UGT2B15: variants seen among roughly 807,000 people sequenced by gnomAD.
UGT2B15 encodes the protein UDP glucuronosyltransferase family 2 member B15, also known as UDP-glucuronosyltransferase 2B15.
Under a neutral mutation model 45.9 loss-of-function variants are expected in UGT2B15, and 36 were observed. That is an observed-to-expected ratio of 0.78 (90% confidence interval 0.60 to 1.04). UGT2B15 has a LOEUF of 1.04. Ranked by LOEUF, UGT2B15 falls within the 50% of genes least tolerant of loss-of-function variation. The pLI is 0.00. For missense variants in UGT2B15, 617 were observed against 622.4 expected, an observed-to-expected ratio of 0.99 and a Z score of 0.09; for synonymous variants, 219 against 216.4, an observed-to-expected ratio of 1.01 and a Z score of -0.11.
In UGT2B15 at chr4:68,647,417, A is replaced by C; in HGVS notation, c.1314-34T>G. ...TAAATATAAAGATATCAACATTAAA[A>C]GTAAATTTATTGCTTAAGCATATCA... On this transcript the variant is annotated intron_variant, in intron 5 of 5. Transcript: ENST00000338206. 1.9e-6 allele frequency: 3 copies of C among 1,583,362 alleles called. 1 individual carries two copies. Among genetic ancestry groups the C allele is most frequent in the Non-Finnish European group, 2.6e-6 (3 of 1,162,510 alleles).
chr4:68,647,177 A>T lies in UGT2B15; in HGVS notation c.1520T>A (p.Phe507Tyr), dbSNP rs139372148. 1.5e-4 allele frequency: 236 copies of T among 1,613,836 alleles called. 1 individual carries two copies. Among genetic ancestry groups the T allele is most frequent in the Non-Finnish European group, 1.9e-4 (225 of 1,179,920 alleles). ...AAACAGGCAAAATTTTGTGATGATA[A>T]ATATCACAGTTGCCACGCAGGCCAG... ...FLLACVATVI[F>Y]IITKFCLFCF... The change falls in exon 6 of 6, where the codon TTT (phenylalanine) becomes TAT (tyrosine). Residue 507 changes from phenylalanine (F) to tyrosine (Y), a missense_variant. Phe to Tyr is a conservative substitution (Grantham distance 22). This residue lies in a region of UGT2B15 where 265 missense variants were observed against 245.1 expected (regional missense o/e 1.08). Transcript: ENST00000338206.
intron 3 of UGT2B15, among the ~76,000 whole-genome samples, chr4:68,660,848 C>A (rs6815824): frequency 6.6e-6 from 1 of 151,542 alleles, no homozygotes; most frequent in African/African-American, 2.4e-5. Flanking sequence ...AACTTAAACT[C>A]CAGAAGAAAA....
intron 3 of UGT2B15, among the ~76,000 whole-genome samples, chr4:68,659,054 T>A (rs1266351522): frequency 6.6e-6 from 1 of 152,156 alleles, no homozygotes; most frequent in South Asian, 2.1e-4. Context: ...ATAAAGATTA[T>A]AAAGGTTATG....
chr4:68,658,208 TTATG>T (rs1226776600), intron 3 of UGT2B15, among the ~76,000 whole-genome samples: 1 of 152,010 alleles, frequency 6.6e-6, no homozygotes, highest in East Asian at 1.9e-4. Context: ...GTGTATGTAT[TTATG>T]TGTTTTGTAC....
intron 5 of UGT2B15, among the ~76,000 whole-genome samples, chr4:68,650,245 G>A (rs1265188971): frequency 2.0e-5 from 3 of 151,896 alleles, no homozygotes; most frequent in African/African-American, 2.4e-5. Flanking sequence ...TTGCAGCACC[G>A]ATCAACCTGT....
Position 68,670,261 on chromosome 4 carries a change from A to G in UGT2B15, c.358T>C (p.Tyr120His). 6.2e-7 allele frequency: 1 copy of G among 1,614,110 alleles called. No homozygotes were observed. The highest frequency in any genetic ancestry group is 8.5e-7 in the Non-Finnish European group (1 of 1,179,998). Residue 120 changes from tyrosine to histidine, a missense_variant, in exon 1 of 6, where the codon TAT becomes CAT. Around this residue, in one of 3 missense-constraint regions of UGT2B15, gnomAD observed 351 missense variants for 342.1 expected, o/e 1.03. Coordinates refer to ENST00000338206, the MANE Select transcript of UGT2B15 (RefSeq NM_001076.4). ...CAGAGCTTGTTACTGTAGTCATAAT[A>G]TTCCCAACACAATTCTTGTAATTGT... Reference protein sequence around the residue: ...FSQLQELCWEYYDYSNKLCKD... With the variant: ...FSQLQELCWEHYDYSNKLCKD...
At chr4:68,658,054 T>A (rs1227788346) in intron 3 of UGT2B15, among the ~76,000 whole-genome samples, 9 of 152,122 alleles carry the variant, frequency 5.9e-5, no homozygotes, top group Non-Finnish European at 1.2e-4. Context: ...AATGTAAGAC[T>A]ATTTAGCTTA....
intron 4 of UGT2B15, among the ~76,000 whole-genome samples, chr4:68,654,685 GTTAT>G (rs1228229066): frequency 6.6e-6 from 1 of 151,906 alleles, no homozygotes; most frequent in Non-Finnish European, 1.5e-5. Flanking sequence ...ATAAAGATTG[GTTAT>G]TTATTCCCAT....
chr4:68,654,606 T>A (rs946823346), intron 4 of UGT2B15, among the ~76,000 whole-genome samples: 1 of 151,012 alleles, frequency 6.6e-6, no homozygotes, highest in Non-Finnish European at 1.5e-5. Context: ...CAGCAGGGAG[T>A]AGGGTGGAGG....
Position 68,668,123 on chromosome 4 carries a change from C to T in UGT2B15, c.790G>A (p.Asp264Asn), listed in dbSNP as rs1468376670. The change falls in exon 2 of 6, where the codon GAT becomes AAT. Residue 264 changes from aspartate (D) to asparagine (N), a missense_variant. By Grantham distance (23) the Asp-to-Asn change is conservative (BLOSUM62 1). This residue lies in a region of UGT2B15 where 351 missense variants were observed against 342.1 expected (regional missense o/e 1.03). Transcript: ENST00000338206. ...AAGAATGGGCGAGGAAATTCAAAATCCCAATAGGTTCGAATGAGCCACATT... is the reference window on the plus strand; with the variant it reads ...AAGAATGGGCGAGGAAATTCAAAATTCCAATAGGTTCGAATGAGCCACATT... Reference protein sequence around the residue: ...AEMWLIRTYWDFEFPRPFLPN... With the variant: ...AEMWLIRTYWNFEFPRPFLPN... 6.2e-7 allele frequency: 1 copy of T among 1,613,700 alleles called. No homozygotes were observed. Among genetic ancestry groups the T allele is most frequent in the East Asian group, 2.2e-5 (1 of 44,852 alleles).
chr4:68,648,274 C>T, intron 5 of UGT2B15, among the ~76,000 whole-genome samples: 1 of 152,088 alleles, frequency 6.6e-6, no homozygotes. Flanking sequence ...TGTCCTAGCC[C>T]TTTCCCCCTG....
At chr4:68,655,500 G>A (rs1353652586) in intron 3 of UGT2B15, among the ~76,000 whole-genome samples, 1 of 152,030 alleles carries the variant, frequency 6.6e-6, no homozygotes, top group African/African-American at 2.4e-5. Flanking sequence ...AAGTTAAGCT[G>A]CTTAGGGCAA....
chr4:68,657,923 TTA>T (rs1431961895), intron 3 of UGT2B15, among the ~76,000 whole-genome samples: 2 of 152,080 alleles, frequency 1.3e-5, no homozygotes, highest in Non-Finnish European at 2.9e-5. Flanking sequence ...TTCTATAATT[TTA>T]TGTTTAATAG....
At chr4:68,647,794 C>T (rs1732527330) in intron 5 of UGT2B15, among the ~76,000 whole-genome samples, 3 of 151,954 alleles carry the variant, frequency 2.0e-5, no homozygotes, top group Admixed American at 2.0e-4. Context: ...TGGCTCAGTT[C>T]AGCCTTTCTC....
chr4:68,670,442 C>A lies in UGT2B15; in HGVS notation c.177G>T (p.Ser59=). The change falls in exon 1 of 6, where the codon TCG becomes TCT. Residue 59 remains serine (S), a synonymous_variant. Transcript: ENST00000338206. The part of the protein sequence containing the change: ...RGHEVTVLTS[S]ASTLVNASKS... ...TACTGGCATTGACAAGAGTAGAAGCCGAAGATGTCAACACAGTCACCTCAT... is the reference window on the plus strand; with the variant it reads ...TACTGGCATTGACAAGAGTAGAAGCAGAAGATGTCAACACAGTCACCTCAT... 6.2e-7 allele frequency: 1 copy of A among 1,613,842 alleles called. No individual in the cohort carries two copies. The highest frequency in any genetic ancestry group is 8.5e-7 in the Non-Finnish European group (1 of 1,179,960).
chr4:68,655,142 C>T lies in UGT2B15; in HGVS notation c.1046G>A (p.Gly349Asp), dbSNP rs767776292. Reference protein sequence around the residue: ...RFDGKKPNTLGSNTRLYKWLP... With the variant: ...RFDGKKPNTLDSNTRLYKWLP... ...CCACTTGTACAGTCGAGTATTGGAA[C>T]CTAAAGTATTTGGCTTCTTGCCATC... The change falls in exon 4 of 6, where the codon GGT becomes GAT. Residue 349 changes from glycine (G) to aspartate (D), a missense_variant. Transcript: ENST00000338206. 2 of 1,613,246 alleles carry T rather than the reference C, an allele frequency of 1.2e-6. No individual in the cohort carries two copies. Among genetic ancestry groups the T allele is most frequent in the South Asian group, 2.2e-5 (2 of 91,052 alleles).
At chr4:68,659,340 A>T (rs1732896060) in intron 3 of UGT2B15, among the ~76,000 whole-genome samples, 1 of 151,958 alleles carries the variant, frequency 6.6e-6, no homozygotes. Flanking sequence ...ATAAATTATG[A>T]TTTTTTCTGA....
At chr4:68,653,654 G>A (rs1157039541) in intron 5 of UGT2B15, among the ~76,000 whole-genome samples, 1 of 151,782 alleles carries the variant, frequency 6.6e-6, no homozygotes, top group Non-Finnish European at 1.5e-5. Flanking sequence ...TTAAAATAAT[G>A]ATAATAAAAA....
chr4:68,649,495 G>T (rs1732587722), intron 5 of UGT2B15, among the ~76,000 whole-genome samples: 2 of 151,522 alleles, frequency 1.3e-5, no homozygotes, highest in South Asian at 2.1e-4. Context: ...GGCCAGGCTG[G>T]TCTCTTAACT....
Sources: gnomAD v4.1 joint callset for allele counts (sites outside exome capture counted in the v4.1 genomes callset) on GRCh38, gnomAD v4.1.1 for gene constraint, gnomAD v4.1.1 regional missense constraint, MANE v1.5 for transcripts, NCBI Gene and HGNC (gene_info 2026-07-23, HGNC 2026-07-21) for gene names.